HDAC9: variants seen among roughly 807,000 people sequenced by gnomAD.
HDAC9 encodes the protein MEF-2 interacting transcription repressor (MITR) protein.
A neutral mutation model predicts 139.4 loss-of-function variants in HDAC9; 41 were observed. The ratio of observed to expected loss-of-function variants is 0.29; its 90% confidence interval spans 0.23 to 0.38. The LOEUF is 0.38. Ranked by LOEUF, HDAC9 falls within the 10% of genes least tolerant of loss-of-function variation. The probability of loss-of-function intolerance (pLI) is 1.00; values close to 1 mark genes in which losing one functional copy is unlikely to be tolerated. For synonymous variants in HDAC9, 517 were observed against 476.2 expected (o/e 1.09, Z -1.12); for missense variants, 1,147 against 1,297.0 (o/e 0.88, Z 1.78).
chr7:18,400,248 A>G (rs1046647887), intron 1 of HDAC9, among the ~76,000 whole-genome samples: 1 of 152,216 alleles, frequency 6.6e-6, no homozygotes, highest in African/African-American at 2.4e-5. Flanking sequence ...AGTTTAGTTT[A>G]ATAAAGGTAA....
rs995055916 is a variant in HDAC9 at position 18,223,138 on chromosome 7, C to T, written c.25+60789C>T. Among the ~76,000 whole-genome samples, 14 of 152,118 alleles carry T rather than the reference C, an allele frequency of 9.2e-5. No individual in the cohort carries two copies. In the East Asian group the frequency reaches 1.7e-3, roughly 19 times the overall value. ...TGTTTGTGGGCCTTTATGTTTCTCT[C>T]GGGAACAGATTGTTCATGACATGTA... On this transcript the variant is annotated intron_variant, in intron 2 of 12. Transcript: ENST00000417496.
intron 2 of HDAC9, among the ~76,000 whole-genome samples, chr7:18,584,140 CTTTT>C (rs3084518): frequency 1.9e-5 from 2 of 107,752 alleles, no homozygotes; most frequent in African/African-American, 3.5e-5. Flanking sequence ...AAGCAGCATT[CTTTT>C]TTTTTTTTTT....
At chr7:18,942,665 A>G (rs1198736582) in intron 23 of HDAC9, among the ~76,000 whole-genome samples, 1 of 152,068 alleles carries the variant, frequency 6.6e-6, no homozygotes, top group Non-Finnish European at 1.5e-5. Context: ...TCTAACCACA[A>G]TATGCTGGAA....
chr7:18,884,179 C>T lies in HDAC9; in HGVS notation c.2803+9583C>T, dbSNP rs564722660. On this transcript the variant is annotated intron_variant, in intron 22 of 25. Transcript: ENST00000686413. The stretch of plus-strand genomic sequence containing the variant: ...GTCAAATTCCCAATGACATTTTTCA[C>T]AGAAATAGCAGAATCAACCCAAAAA... 2.6e-5 allele frequency among the ~76,000 whole-genome samples: 4 copies of T among 152,212 alleles called. No individual in the cohort carries two copies. In the East Asian group the frequency reaches 7.7e-4, roughly 29 times the overall value.
chr7:18,606,472 A>G (rs544244594), intron 6 of HDAC9, among the ~76,000 whole-genome samples: 84 of 152,344 alleles, frequency 5.5e-4, no homozygotes, highest in Non-Finnish European at 8.8e-4. Context: ...ATGATTAACA[A>G]GTTCATATGC....
chr7:18,158,840 C>CT (rs1022846325), intron 1 of HDAC9, among the ~76,000 whole-genome samples: 7 of 152,194 alleles, frequency 4.6e-5, no homozygotes, highest in Non-Finnish European at 1.0e-4. Flanking sequence ...AGTGCCCTCT[C>CT]TTTTTTCTGG....
intron 1 of HDAC9, among the ~76,000 whole-genome samples, chr7:18,319,961 A>G (rs1412793386): frequency 1.3e-5 from 2 of 152,182 alleles, no homozygotes; most frequent in Admixed American, 6.5e-5. Context: ...GTTGTTGTTG[A>G]TGACCAATTT....
intron 1 of HDAC9, among the ~76,000 whole-genome samples, chr7:18,373,783 GA>G (rs1784769445): frequency 6.6e-6 from 1 of 151,554 alleles, no homozygotes; most frequent in Non-Finnish European, 1.5e-5. Context: ...TTTTGTTTTG[GA>G]AAAAAATGAT....
intron 1 of HDAC9, among the ~76,000 whole-genome samples, chr7:18,489,901 G>T (rs529605187): frequency 1.3e-5 from 2 of 152,056 alleles, no homozygotes; most frequent in East Asian, 1.9e-4. Flanking sequence ...GAACAAAATG[G>T]CTGAGCAGGG....
intron 1 of HDAC9, among the ~76,000 whole-genome samples, chr7:18,379,266 T>C (rs1053926475): frequency 6.6e-6 from 1 of 152,204 alleles, no homozygotes; most frequent in African/African-American, 2.4e-5. Context: ...GTAACCACAT[T>C]ATCCAACATT....
At chr7:18,991,506 A>C (rs11976337) in intron 25 of HDAC9, among the ~76,000 whole-genome samples, 2 of 152,038 alleles carry the variant, frequency 1.3e-5, no homozygotes, top group South Asian at 2.1e-4. Flanking sequence ...GTGTGGTGGC[A>C]GGCACCTGTA....
At chr7:18,567,812 G>C (rs1822881782) in intron 2 of HDAC9, among the ~76,000 whole-genome samples, 3 of 151,802 alleles carry the variant, frequency 2.0e-5, no homozygotes, top group Admixed American at 2.0e-4. Flanking sequence ...TATTATTGCA[G>C]CTTTGAGGTG....
intron 16 of HDAC9, among the ~76,000 whole-genome samples, chr7:18,792,718 C>T (rs893658556): frequency 6.6e-6 from 1 of 152,122 alleles, no homozygotes; most frequent in Non-Finnish European, 1.5e-5. Context: ...AAATCTTAAG[C>T]TTATACTTTG....
intron 2 of HDAC9, among the ~76,000 whole-genome samples, chr7:18,174,896 A>G (rs937531336): frequency 1.4e-4 from 22 of 152,182 alleles, no homozygotes; most frequent in Non-Finnish European, 2.9e-4. Flanking sequence ...TCTCCCAGTT[A>G]GGCTACATGG....
chr7:18,554,789 T>C (rs1563259317), intron 2 of HDAC9, among the ~76,000 whole-genome samples: 1 of 152,220 alleles, frequency 6.6e-6, no homozygotes. Flanking sequence ...GCTTTCTCTC[T>C]TCTTAGACTG....
intron 22 of HDAC9, 23 bp downstream of exon 22, chr7:18,874,619 T>C (rs765649120): frequency 2.2e-6 from 3 of 1,366,352 alleles, no homozygotes; most frequent in East Asian, 4.9e-5. Context: ...TTCAGGACTT[T>C]ACGAAAGGCT....
chr7:18,753,695 G>A (rs1056790898), intron 14 of HDAC9, among the ~76,000 whole-genome samples: 4 of 152,048 alleles, frequency 2.6e-5, no homozygotes, highest in African/African-American at 7.2e-5. Context: ...TAGCAATGTC[G>A]CAAATTAATC....
At chr7:18,531,930 G>T (rs1345699014) in intron 2 of HDAC9, among the ~76,000 whole-genome samples, 3 of 152,018 alleles carry the variant, frequency 2.0e-5, no homozygotes, top group Non-Finnish European at 4.4e-5. Context: ...TACATTTTTT[G>T]GTCCAAAGCT....
At chr7:18,561,925 G>A (rs1389283929) in intron 2 of HDAC9, among the ~76,000 whole-genome samples, 1 of 152,208 alleles carries the variant, frequency 6.6e-6, no homozygotes, top group Admixed American at 6.5e-5. Context: ...AAGTTTTCGT[G>A]TGGATGTCTT....
Sources: allele counts gnomAD v4.1 joint callset (sites outside exome capture counted in the v4.1 genomes callset), GRCh38; gene constraint gnomAD v4.1.1; transcripts MANE v1.5; gene names NCBI Gene and HGNC (gene_info 2026-07-23, HGNC 2026-07-21).